Variants in RELCH observed in about 807,000 individuals in gnomAD.
RELCH encodes RAB11 binding and LisH domain, coiled-coil and HEAT repeat containing.
In RELCH, 41 loss-of-function variants were observed where a neutral mutation model predicts 150.3. The observed-to-expected ratio is 0.27, with a 90% CI of 0.21 to 0.35. RELCH has a LOEUF of 0.35. Ranked by LOEUF, RELCH falls within the 10% of genes least tolerant of loss-of-function variation. RELCH has a pLI of 1.00. For synonymous variants in RELCH, 478 were observed against 531.8 expected, an observed-to-expected ratio of 0.90 and a Z score of 1.39; for missense variants, 1,092 against 1,467.8, an observed-to-expected ratio of 0.74 and a Z score of 4.18.
intron 28 of RELCH, chr18:62,300,980 C>T (rs1341348471): frequency 6.6e-6 from 1 of 152,128 alleles, no homozygotes; most frequent in East Asian, 1.9e-4. Context: ...TAGTCTCTTC[C>T]CTCGGGGTAT....
chr18:62,264,968 T>C (rs1443246132), intron 18 of RELCH, 116 bp downstream of exon 18: 1 of 815,202 alleles, frequency 1.2e-6, no homozygotes, highest in Admixed American at 3.1e-5. Flanking sequence ...TTCGCTTCTT[T>C]AATATCCTAG....
At chr18:62,246,628 A>G (rs2148508827) in intron 11 of RELCH, 1 of 152,342 alleles carries the variant, frequency 6.6e-6, no homozygotes, top group East Asian at 1.9e-4. Flanking sequence ...ATGAAGCTCT[A>G]TTAGGAAGGC....
rs146445499 is a variant in RELCH, at chr18:62,245,688, T to C, written c.1733+812T>C. Reference sequence around the variant, plus strand: ...ACACAGATATAGGTACTGAAGGCCATTATCTAAATTATCTTGTATTTTTGA... The same window carrying C: ...ACACAGATATAGGTACTGAAGGCCACTATCTAAATTATCTTGTATTTTTGA... On this transcript the variant is annotated intron_variant, in intron 11 of 28. Coordinates refer to ENST00000644646, the MANE Select transcript of RELCH (RefSeq NM_001346231.2). 9.6e-4 allele frequency: 146 copies of C among 152,090 alleles called. 1 individual carries two copies. Among genetic ancestry groups the C allele is most frequent in the African/African-American group, 3.4e-3 (142 of 41,532 alleles). The allele number at this position is 152,090 out of a possible 1,614,324, so 9.4% of individuals were successfully genotyped here.
In RELCH at chr18:62,264,108, A is replaced by G; in HGVS notation, c.2470A>G (p.Thr824Ala). The G allele has an allele frequency of 6.2e-7, 1 of 1,603,392 alleles. No individual in the cohort carries two copies. The highest frequency in any genetic ancestry group is 8.5e-7 in the Non-Finnish European group (1 of 1,175,994). Residue 824 changes from threonine to alanine, a missense_variant, in exon 17 of 29, where the codon ACA becomes GCA. Physicochemically the swap from Thr to Ala is moderately conservative, Grantham distance 58. This residue lies in a region of RELCH where 707 missense variants were observed against 1,025.4 expected (regional missense o/e 0.69). Coordinates refer to ENST00000644646, the MANE Select transcript of RELCH (RefSeq NM_001346231.2). Reference sequence around the variant, plus strand: ...CTACCAGCTAGAACAAGAGGGTACAACAGGCTGGGAGAGTTTACTGTGGGT... The same window carrying G: ...CTACCAGCTAGAACAAGAGGGTACAGCAGGCTGGGAGAGTTTACTGTGGGT... ...YDYQLEQEGT[T>A]GWESLLWVVN... is the part of the protein sequence containing the mutation.
intron 10 of RELCH, among the ~76,000 whole-genome samples, chr18:62,234,191 C>G (rs1314466748): frequency 2.6e-5 from 4 of 151,822 alleles, no homozygotes; most frequent in African/African-American, 9.7e-5. Context: ...AACATTTTTT[C>G]GTTACATCTC....
chr18:62,294,950 G>A (rs1568446832), intron 27 of RELCH, among the ~76,000 whole-genome samples: 3 of 152,088 alleles, frequency 2.0e-5, no homozygotes, highest in Admixed American at 2.0e-4. Flanking sequence ...TGTTATTGGG[G>A]AACATTCTTT....
In RELCH at chr18:62,221,327, T is replaced by C. The variant is rs539691979; in HGVS notation, c.744+53T>C. The C allele has an allele frequency of 8.4e-6, 13 of 1,551,106 alleles. No individual in the cohort carries two copies. In the African/African-American group the frequency reaches 1.8e-4, roughly 21 times the overall value. ...TAATCTTCCACATTAAATGGTAACA[T>C]AAATATTGAAGGAGGAATACTTATG... is the stretch of plus-strand genomic sequence containing the variant. On this transcript the variant is annotated intron_variant, in intron 4 of 28. Coordinates refer to ENST00000644646, the MANE Select transcript of RELCH (RefSeq NM_001346231.2).
chr18:62,202,995 G>A (rs1376152834), intron 1 of RELCH, among the ~76,000 whole-genome samples: 6 of 152,156 alleles, frequency 3.9e-5, no homozygotes, highest in South Asian at 4.1e-4. Flanking sequence ...AAGGAGCCAC[G>A]ACATGGGCCT....
chr18:62,234,016 TG>T (rs926116393), intron 10 of RELCH, among the ~76,000 whole-genome samples: 1 of 151,916 alleles, frequency 6.6e-6, no homozygotes, highest in African/African-American at 2.4e-5. Flanking sequence ...ATATATTTCA[TG>T]AAAAACTGAT....
intron 5 of RELCH, among the ~76,000 whole-genome samples, chr18:62,223,047 G>A (rs1481288036): frequency 6.6e-6 from 1 of 151,844 alleles, no homozygotes; most frequent in East Asian, 1.9e-4. Flanking sequence ...TCAAATCAGT[G>A]AAATCAGGCT....
chr18:62,240,721 A>G (rs1234711638), intron 10 of RELCH, among the ~76,000 whole-genome samples: 2 of 152,282 alleles, frequency 1.3e-5, no homozygotes, highest in Admixed American at 6.5e-5. Context: ...ATGATCATAG[A>G]CACTCTGTTA....
At chr18:62,234,866 C>A (rs1341272333) in intron 10 of RELCH, 1 of 151,708 alleles carries the variant, frequency 6.6e-6, no homozygotes, top group African/African-American at 2.4e-5. Context: ...CAAATATTTT[C>A]TTTCATCCTG....
intron 1 of RELCH, among the ~76,000 whole-genome samples, chr18:62,204,580 C>T (rs1281203911): frequency 1.3e-5 from 2 of 152,166 alleles, no homozygotes; most frequent in Admixed American, 1.3e-4. Context: ...CCCGCCTCAG[C>T]CTCCCAAAGC....
chr18:62,288,647 A>G (rs2044947984), intron 26 of RELCH, among the ~76,000 whole-genome samples: 2 of 152,272 alleles, frequency 1.3e-5, no homozygotes, highest in South Asian at 2.1e-4. Context: ...TTTTTAAAAT[A>G]TAGATGGCAC....
chr18:62,208,933 C>G (rs2039987568), intron 1 of RELCH, among the ~76,000 whole-genome samples: 1 of 152,130 alleles, frequency 6.6e-6, no homozygotes, highest in Non-Finnish European at 1.5e-5. Context: ...GTTTTAGGCT[C>G]TAGGGGAAGC....
At chr18:62,278,516 T>C (rs762363275) in intron 22 of RELCH, among the ~76,000 whole-genome samples, 2 of 151,912 alleles carry the variant, frequency 1.3e-5, no homozygotes, top group Non-Finnish European at 2.9e-5. Context: ...AGTTACTTTC[T>C]CTGATGTGTT....
chr18:62,236,789 G>A (rs906807246), intron 10 of RELCH, among the ~76,000 whole-genome samples: 6 of 151,242 alleles, frequency 4.0e-5, no homozygotes, highest in Admixed American at 3.3e-4. Flanking sequence ...TCTCTTTATT[G>A]TTTTTCTAGT....
chr18:62,211,492 C>T (rs150576881), intron 2 of RELCH, among the ~76,000 whole-genome samples: 2 of 152,330 alleles, frequency 1.3e-5, no homozygotes, highest in South Asian at 2.1e-4. Context: ...CAGCAGTTTA[C>T]AACCACACAG....
intron 1 of RELCH, among the ~76,000 whole-genome samples, chr18:62,190,028 C>T (rs2038504646): frequency 6.6e-6 from 1 of 152,110 alleles, no homozygotes; most frequent in Non-Finnish European, 1.5e-5. Context: ...AACAACAGGA[C>T]AAAAAATTCA....
Sources: allele counts gnomAD v4.1 joint callset (sites outside exome capture counted in the v4.1 genomes callset), GRCh38; gene constraint gnomAD v4.1.1; regional missense constraint gnomAD v4.1.1; transcripts MANE v1.5; gene names NCBI Gene and HGNC (gene_info 2026-07-23, HGNC 2026-07-21).